Variants in CDK14 observed in about 807,000 individuals in gnomAD.
CDK14 encodes cyclin-dependent kinase 14.
In CDK14, 34 loss-of-function variants were observed where a neutral mutation model predicts 60.7. The ratio of observed to expected loss-of-function variants is 0.56; its 90% confidence interval spans 0.43 to 0.75. The LOEUF is 0.75. CDK14 is among the 30% of genes least tolerant of loss of function. The pLI is 0.00. For missense variants in CDK14, 482 were observed against 564.1 expected (o/e 0.85, Z 1.47); for synonymous variants, 197 against 203.7 (o/e 0.97, Z 0.28).
intron 2 of CDK14, chr7:90,709,775 T>C (rs1028903893): frequency 2.8e-6 from 4 of 1,427,948 alleles, no homozygotes; most frequent in Admixed American, 3.1e-5. Flanking sequence ...CTGGGCTTTT[T>C]TTTTTTTGCT....
chr7:90,626,686 T>C (rs2116388348), intron 2 of CDK14, among the ~76,000 whole-genome samples: 1 of 152,314 alleles, frequency 6.6e-6, no homozygotes, highest in Admixed American at 6.5e-5. Flanking sequence ...AGGCCTATAA[T>C]CCTAGGTCTT....
At chr7:91,191,733 C>A (rs182145098) in intron 14 of CDK14, among the ~76,000 whole-genome samples, 36 of 152,080 alleles carry the variant, frequency 2.4e-4, no homozygotes, top group Non-Finnish European at 4.3e-4. Context: ...GGTCTTCTTG[C>A]ATTTGATCAG....
chr7:90,802,847 G>A (rs544574106), intron 5 of CDK14, among the ~76,000 whole-genome samples: 1 of 152,306 alleles, frequency 6.6e-6, no homozygotes, highest in East Asian at 1.9e-4. Context: ...CCCAAAAGGA[G>A]ATCAAGAAGA....
At chr7:90,680,092 A>AT (rs5885738) in intron 2 of CDK14, among the ~76,000 whole-genome samples, 60,319 of 151,704 alleles carry the variant, frequency 0.4, 12,571 homozygotes, top group East Asian at 0.67. Flanking sequence ...GTTTATATAT[A>AT]TTTTTCGTTT....
chr7:91,137,694 GTGTGTGTGTGTGTGTGTGTGTA>G (rs1331292756), intron 14 of CDK14, among the ~76,000 whole-genome samples: 6 of 105,266 alleles, frequency 5.7e-5, no homozygotes, highest in Admixed American at 3.7e-4. Flanking sequence ...CTTGTGGGGG[GTGTGTGTGTGTGTGTGTGTGTA>G]TGTGTGTGTG....
intron 5 of CDK14, among the ~76,000 whole-genome samples, chr7:90,794,819 T>C (rs1008042186): frequency 5.3e-5 from 8 of 152,174 alleles, no homozygotes; most frequent in Non-Finnish European, 1.0e-4. Flanking sequence ...AGAGTATTGA[T>C]TGGGGAAGTG....
At chr7:91,040,884 G>A (rs946227689) in intron 10 of CDK14, among the ~76,000 whole-genome samples, 12 of 152,252 alleles carry the variant, frequency 7.9e-5, no homozygotes, top group African/African-American at 2.9e-4. Flanking sequence ...ACTAGTGATA[G>A]TTTAGAAAGA....
intron 2 of CDK14, among the ~76,000 whole-genome samples, chr7:90,634,722 T>A (rs1249340703): frequency 6.6e-6 from 1 of 151,786 alleles, no homozygotes; most frequent in Non-Finnish European, 1.5e-5. Context: ...ACTTCCACAA[T>A]GGTTGAACTA....
intron 8 of CDK14, among the ~76,000 whole-genome samples, chr7:90,927,542 C>T (rs1335212143): frequency 6.6e-6 from 1 of 152,086 alleles, no homozygotes; most frequent in South Asian, 2.1e-4. Context: ...ATAGACAGTA[C>T]ACAGCTGTAG....
chr7:91,016,561 C>T (rs920668122), intron 10 of CDK14, among the ~76,000 whole-genome samples: 5 of 152,296 alleles, frequency 3.3e-5, no homozygotes, highest in East Asian at 1.9e-4. Flanking sequence ...CCTCAGCCCA[C>T]CCAACCTGGT....
intron 14 of CDK14, among the ~76,000 whole-genome samples, chr7:91,129,380 G>A (rs1172050906): frequency 6.6e-6 from 1 of 152,132 alleles, no homozygotes; most frequent in Non-Finnish European, 1.5e-5. Flanking sequence ...TCTTGATGAG[G>A]AAGTTAAAAG....
chr7:90,690,892 A>G (rs1801538656), intron 2 of CDK14, among the ~76,000 whole-genome samples: 1 of 152,192 alleles, frequency 6.6e-6, no homozygotes, highest in South Asian at 2.1e-4. Flanking sequence ...TCATTTTGAC[A>G]AAGATTACTT....
chr7:91,168,135 G>C (rs1018614126), intron 14 of CDK14, among the ~76,000 whole-genome samples: 1 of 151,830 alleles, frequency 6.6e-6, no homozygotes, highest in African/African-American at 2.4e-5. Context: ...GGTGGCGCAC[G>C]TCTGTAATCC....
chr7:90,664,698 C>T (rs1322236268), intron 2 of CDK14, among the ~76,000 whole-genome samples: 2 of 150,050 alleles, frequency 1.3e-5, no homozygotes, highest in Non-Finnish European at 2.9e-5. Context: ...GACAAAAAAC[C>T]AAACACGGCA....
chr7:90,619,579 C>G (rs1483631968), intron 2 of CDK14, among the ~76,000 whole-genome samples: 4 of 151,998 alleles, frequency 2.6e-5, no homozygotes, highest in Non-Finnish European at 5.9e-5. Flanking sequence ...ATTTAATAAC[C>G]AAGGTCTTCA....
intron 4 of CDK14, among the ~76,000 whole-genome samples, chr7:90,788,636 C>A (rs933698945): frequency 3.3e-5 from 5 of 152,166 alleles, no homozygotes; most frequent in African/African-American, 1.2e-4. Context: ...GCAATCAGTT[C>A]AATGAGAAAT....
chr7:91,179,920 C>T (rs1219458371), intron 14 of CDK14, among the ~76,000 whole-genome samples: 1 of 152,050 alleles, frequency 6.6e-6, no homozygotes, highest in Non-Finnish European at 1.5e-5. Flanking sequence ...AGAAGAAAAT[C>T]TTAAATGTTT....
chr7:90,840,860 A>G (rs1400914339), intron 5 of CDK14, among the ~76,000 whole-genome samples: 1 of 151,814 alleles, frequency 6.6e-6, no homozygotes, highest in African/African-American at 2.4e-5. Context: ...GGTTTAGCCA[A>G]TATTGCATTA....
chr7:91,067,417 C>T (rs771523436), intron 11 of CDK14, among the ~76,000 whole-genome samples: 3 of 152,130 alleles, frequency 2.0e-5, no homozygotes, highest in Admixed American at 6.5e-5. Context: ...AGCTAGCTTC[C>T]GGTGTTTGAG....
Sources: gnomAD v4.1 joint callset for allele counts (sites outside exome capture counted in the v4.1 genomes callset) on GRCh38, gnomAD v4.1.1 for gene constraint, MANE v1.5 for transcripts, NCBI Gene and HGNC (gene_info 2026-07-23, HGNC 2026-07-21) for gene names.